ABLIM1: variants seen among roughly 807,000 people sequenced by gnomAD.
The protein encoded by ABLIM1 is actin binding LIM protein 1, also known as actin-binding LIM protein 1.
Under a neutral mutation model 107.0 loss-of-function variants are expected in ABLIM1, and 40 were observed. The observed-to-expected ratio is 0.37, with a 90% CI of 0.29 to 0.49. The LOEUF (loss-of-function observed/expected upper bound fraction) is 0.49, where lower values mean the gene tolerates loss of function less well. Among genes scored for constraint, ABLIM1 ranks in the 20% least tolerant of loss-of-function variants. ABLIM1 has a pLI of 0.97. For missense variants in ABLIM1, 857 were observed against 1,008.5 expected, an observed-to-expected ratio of 0.85 and a Z score of 2.04; for synonymous variants, 357 against 357.3, an observed-to-expected ratio of 1.00 and a Z score of 0.01.
At chr10:114,722,396 C>A (rs936824376) in intron 1 of ABLIM1, among the ~76,000 whole-genome samples, 3 of 152,162 alleles carry the variant, frequency 2.0e-5, no homozygotes, top group Admixed American at 6.5e-5. Context: ...AAATCTGCCC[C>A]CATGATCCAA....
intron 1 of ABLIM1, among the ~76,000 whole-genome samples, chr10:114,608,831 A>G (rs1440041726): frequency 6.6e-6 from 1 of 151,450 alleles, no homozygotes; most frequent in Non-Finnish European, 1.5e-5. Context: ...CCTGGTCAAC[A>G]TGGCAAAACC....
rs370040200 is a variant in ABLIM1, at chr10:114,553,484, C to T, written c.674-5708G>A. Among the ~76,000 whole-genome samples the T allele has an allele frequency of 2.7e-4, 41 of 152,314 alleles. No individual in the cohort carries two copies. In the South Asian group the frequency reaches 8.5e-3, roughly 32 times the overall value. On this transcript the variant is annotated intron_variant, in intron 4 of 22. Coordinates refer to ENST00000533213, the MANE Select transcript of ABLIM1 (RefSeq NM_002313.7). Reference sequence around the variant, plus strand: ...AAAGATGGTAGACTCTGCCTGATGACTATCAACCCTATGGCCTACCCAACT... The same window carrying T: ...AAAGATGGTAGACTCTGCCTGATGATTATCAACCCTATGGCCTACCCAACT...
chr10:114,763,084 C>T (rs888450216), intron 1 of ABLIM1, among the ~76,000 whole-genome samples: 41 of 152,192 alleles, frequency 2.7e-4, no homozygotes, highest in African/African-American at 9.6e-4. Context: ...TTCTGAAAAG[C>T]CAGCAGTTTC....
At chr10:114,485,056 A>G (rs1057144438) in intron 8 of ABLIM1, among the ~76,000 whole-genome samples, 1 of 152,286 alleles carries the variant, frequency 6.6e-6, no homozygotes, top group Admixed American at 6.5e-5. Flanking sequence ...CGGGACCAAA[A>G]GATAGCTTCT....
In ABLIM1 at chr10:114,518,237, C is replaced by T. The variant is rs562339287; in HGVS notation, c.895-26359G>A. Among the ~76,000 whole-genome samples the T allele has an allele frequency of 1.2e-4, 19 of 152,182 alleles. No individual in the cohort carries two copies. In the South Asian group the frequency reaches 3.5e-3, roughly 28 times the overall value. On this transcript the variant is annotated intron_variant, in intron 6 of 22. Transcript: ENST00000533213. ...TGAAAAAATTTACATGATCCAACCCCGTATTTGTAAGTATCTGCATGCCAG... is the reference window on the plus strand; with the variant it reads ...TGAAAAAATTTACATGATCCAACCCTGTATTTGTAAGTATCTGCATGCCAG...
chr10:114,657,314 T>G (rs982395076), intron 1 of ABLIM1, among the ~76,000 whole-genome samples: 1 of 152,170 alleles, frequency 6.6e-6, no homozygotes, highest in Non-Finnish European at 1.5e-5. Context: ...AGGTATCATC[T>G]TCATTAACAA....
intron 1 of ABLIM1, among the ~76,000 whole-genome samples, chr10:114,607,578 G>A (rs779117017): frequency 2.0e-5 from 3 of 152,196 alleles, no homozygotes; most frequent in South Asian, 2.1e-4. Context: ...GATAAGTCAC[G>A]TTGACAGAAT....
chr10:114,787,538 T>C, the ABLIM1 span, among the ~76,000 whole-genome samples: 50 of 119,098 alleles, frequency 4.2e-4, no homozygotes, highest in African/African-American at 1.6e-3. Context: ...GGTGTGGGGG[T>C]CAGCCCCCCG....
chr10:114,583,336 A>G (rs1475792634), intron 2 of ABLIM1, among the ~76,000 whole-genome samples: 1 of 148,176 alleles, frequency 6.7e-6, no homozygotes, highest in Non-Finnish European at 1.5e-5. Context: ...GGCTATTACT[A>G]AAAAGTCAAA....
intron 12 of ABLIM1, chr10:114,463,109 G>A: frequency 7.5e-7 from 1 of 1,326,268 alleles, no homozygotes; most frequent in Non-Finnish European, 1.0e-6. Context: ...TGTGGGTGGG[G>A]CTGAGGCTGC....
chr10:114,639,539 T>C (rs1324220224), intron 1 of ABLIM1, among the ~76,000 whole-genome samples: 1 of 152,182 alleles, frequency 6.6e-6, no homozygotes, highest in African/African-American at 2.4e-5. Context: ...CCTGGGCACA[T>C]TGTTTTCTCT....
At position 114,487,975 on chromosome 10, in the gene ABLIM1, TCTTCGTAGATTG is replaced by T; in HGVS notation, c.1012_1023del (p.Gln338_Lys341del). ...GTCCTTACCCGCAGCTTTTCCTCGGTCTTCGTAGATTGCTTACAGTCGGGATGCCAAACGGTG... is the reference window on the plus strand; with the variant it reads ...GTCCTTACCCGCAGCTTTTCCTCGGTCTTACAGTCGGGATGCCAAACGGTG... On this transcript the variant is annotated inframe_deletion, in exon 8 of 23. Transcript: ENST00000533213. 6.2e-7 allele frequency: 1 copy of T among 1,614,178 alleles called. No individual in the cohort carries two copies. Among genetic ancestry groups the T allele is most frequent in the Non-Finnish European group, 8.5e-7 (1 of 1,180,024 alleles).
intron 12 of ABLIM1, among the ~76,000 whole-genome samples, chr10:114,462,318 C>T (rs1010817532): frequency 6.6e-6 from 1 of 152,158 alleles, no homozygotes; most frequent in African/African-American, 2.4e-5. Flanking sequence ...TCTGGGAACT[C>T]CTACTTAATT....
chr10:114,702,369 G>T (rs896171416), intron 1 of ABLIM1, among the ~76,000 whole-genome samples: 1 of 152,046 alleles, frequency 6.6e-6, no homozygotes, highest in Non-Finnish European at 1.5e-5. Flanking sequence ...ATACAAATCT[G>T]GAGAAGATCA....
intron 1 of ABLIM1, chr10:114,610,743 A>C (rs1178981695): frequency 6.6e-6 from 1 of 152,060 alleles, no homozygotes; most frequent in Non-Finnish European, 1.5e-5. Flanking sequence ...CCACGACCTC[A>C]TTTTCTTATA....
intron 6 of ABLIM1, among the ~76,000 whole-genome samples, chr10:114,499,412 G>A (rs535593282): frequency 1.3e-5 from 2 of 152,242 alleles, no homozygotes; most frequent in Non-Finnish European, 2.9e-5. Flanking sequence ...ATCCCCAAAG[G>A]AATAAGCAAA....
chr10:114,632,034 G>C, intron 1 of ABLIM1: 1 of 1,272,706 alleles, frequency 7.9e-7, no homozygotes, highest in Non-Finnish European at 1.0e-6. Context: ...GAGAAGCCCC[G>C]GCATCCGCTT....
the ABLIM1 span, among the ~76,000 whole-genome samples, chr10:114,782,184 CA>C: frequency 1.1e-4 from 17 of 151,906 alleles, no homozygotes; most frequent in Admixed American, 5.9e-4. Context: ...AAAATAGTAG[CA>C]AAAAAAATTC....
chr10:114,635,892 A>G (rs1227655061), intron 1 of ABLIM1, among the ~76,000 whole-genome samples: 2 of 152,208 alleles, frequency 1.3e-5, no homozygotes, highest in African/African-American at 4.8e-5. Context: ...AGAAACCTGG[A>G]GAATGAGTTC....
Sources: gnomAD v4.1 joint callset for allele counts (sites outside exome capture counted in the v4.1 genomes callset) on GRCh38, gnomAD v4.1.1 for gene constraint, MANE v1.5 for transcripts, NCBI Gene and HGNC (gene_info 2026-07-23, HGNC 2026-07-21) for gene names.